The following LDLRAD4 variants were observed in gnomAD, a reference collection of about 807,000 sequenced individuals.
LDLRAD4 encodes low density lipoprotein receptor class A domain containing 4.
In LDLRAD4, 5 loss-of-function variants were observed where a neutral mutation model predicts 17.0. The ratio of observed to expected loss-of-function variants is 0.29; its 90% CI spans 0.15 to 0.62. LDLRAD4 has a LOEUF of 0.62. LDLRAD4 is among the 20% of genes least tolerant of loss of function. The pLI, the probability that LDLRAD4 is intolerant of heterozygous loss-of-function variation, is 0.84. For synonymous variants in LDLRAD4, 168 were observed against 171.8 expected (o/e 0.98, Z 0.17); for missense variants, 340 against 424.7 (o/e 0.80, Z 1.75).
chr18:13,552,475 C>T (rs1173677102), intron 3 of LDLRAD4, among the ~76,000 whole-genome samples: 1 of 152,216 alleles, frequency 6.6e-6, no homozygotes, highest in Non-Finnish European at 1.5e-5. Context: ...TTGAAAATGC[C>T]TTTAAGGTTC....
chr18:13,593,569 CCG>C (rs2095054992), intron 3 of LDLRAD4, among the ~76,000 whole-genome samples: 3 of 138,210 alleles, frequency 2.2e-5, no homozygotes, highest in African/African-American at 9.4e-5. Context: ...ATCTGTCTGT[CCG>C]TCCGTCCGTC....
chr18:13,455,296 G>A (rs1036975040), intron 3 of LDLRAD4, among the ~76,000 whole-genome samples: 1 of 152,210 alleles, frequency 6.6e-6, no homozygotes, highest in African/African-American at 2.4e-5. Context: ...AAGATAGGCA[G>A]CGAAAACTGC....
chr18:13,401,714 G>C (rs1240176293), intron 2 of LDLRAD4, among the ~76,000 whole-genome samples: 1 of 152,194 alleles, frequency 6.6e-6, no homozygotes, highest in African/African-American at 2.4e-5. Flanking sequence ...GCCATTTGGG[G>C]TCAGACACGT....
At chr18:13,512,918 A>G (rs2093804836) in intron 3 of LDLRAD4, among the ~76,000 whole-genome samples, 1 of 152,134 alleles carries the variant, frequency 6.6e-6, no homozygotes. Context: ...TTTATACGTT[A>G]CCCTATCCTG....
At chr18:13,523,287 TGG>T (rs1286839795) in intron 3 of LDLRAD4, among the ~76,000 whole-genome samples, 4 of 152,152 alleles carry the variant, frequency 2.6e-5, no homozygotes, top group African/African-American at 9.7e-5. Flanking sequence ...TTGTCCTGGG[TGG>T]GCCTGGTCTA....
At chr18:13,292,530 A>G (rs895650473) in intron 1 of LDLRAD4, among the ~76,000 whole-genome samples, 2 of 152,218 alleles carry the variant, frequency 1.3e-5, no homozygotes, top group African/African-American at 4.8e-5. Flanking sequence ...GTTTTGAGAA[A>G]GGAGAGAGGA....
At chr18:13,403,397 A>G (rs983212300) in intron 2 of LDLRAD4, among the ~76,000 whole-genome samples, 1 of 152,204 alleles carries the variant, frequency 6.6e-6, no homozygotes, top group Non-Finnish European at 1.5e-5. Context: ...ATAGACTGAC[A>G]CTAGGACCCA....
Position 13,398,750 on chromosome 18 carries a change from G to T in LDLRAD4, c.40+10988G>T, listed in dbSNP as rs1335286757. ...GTGTCCTCACAGCCTCTGACCACCA[G>T]CCTGGACGTGGGGATACGTCTCTGC... On this transcript the variant is annotated intron_variant, in intron 2 of 5. Transcript: ENST00000359446. This position sits in a 1 kb window ranked among gnomAD's most constrained non-coding sequence, Gnocchi z 4.8. Among the ~76,000 whole-genome samples the T allele has an allele frequency of 6.6e-6, 1 of 152,080 alleles. No individual in the cohort carries two copies. The highest frequency in any genetic ancestry group is 1.5e-5 in the Non-Finnish European group (1 of 68,030).
chr18:13,641,814 G>C (rs945278861), intron 4 of LDLRAD4: 37 of 985,678 alleles, frequency 3.8e-5, no homozygotes, highest in Middle Eastern at 5.2e-4. Context: ...CACTTGGCCG[G>C]GTTTGCTGGT....
At chr18:13,316,529 C>T (rs145439226) in intron 1 of LDLRAD4, among the ~76,000 whole-genome samples, 4 of 152,290 alleles carry the variant, frequency 2.6e-5, no homozygotes, top group African/African-American at 7.2e-5. Context: ...TGCAGAGCCA[C>T]GTAAACAGCA....
chr18:13,453,941 G>A (rs942575013), intron 3 of LDLRAD4, among the ~76,000 whole-genome samples: 2 of 152,254 alleles, frequency 1.3e-5, no homozygotes, highest in Non-Finnish European at 2.9e-5. Flanking sequence ...AACAGGCTGC[G>A]GGAGCTAATG....
intron 1 of LDLRAD4, among the ~76,000 whole-genome samples, chr18:13,311,354 AAG>A (rs1371702030): frequency 6.6e-6 from 1 of 152,212 alleles, no homozygotes; most frequent in African/African-American, 2.4e-5. Flanking sequence ...CCTCATGTGA[AAG>A]AGTCTTTGTG....
At chr18:13,427,754 C>T (rs1468813311) in intron 2 of LDLRAD4, among the ~76,000 whole-genome samples, 3 of 152,190 alleles carry the variant, frequency 2.0e-5, no homozygotes, top group African/African-American at 7.2e-5. Flanking sequence ...CTAAAAAAAC[C>T]ATGTGGCCAG....
chr18:13,608,314 G>T (rs9954309), intron 3 of LDLRAD4, among the ~76,000 whole-genome samples: 2 of 151,962 alleles, frequency 1.3e-5, no homozygotes, highest in Non-Finnish European at 2.9e-5. Context: ...TGAAGCACCC[G>T]CGGTGGGGCA....
chr18:13,298,489 G>A (rs1369576716), intron 1 of LDLRAD4, among the ~76,000 whole-genome samples: 1 of 150,830 alleles, frequency 6.6e-6, no homozygotes, highest in Admixed American at 6.6e-5. Context: ...GCTGCTCCGG[G>A]CACGGTGATG....
At chr18:13,513,285 A>G (rs2093811324) in intron 3 of LDLRAD4, among the ~76,000 whole-genome samples, 1 of 152,240 alleles carries the variant, frequency 6.6e-6, no homozygotes, top group African/African-American at 2.4e-5. Context: ...CAGACAGCCT[A>G]GTAACGGTTT....
At chr18:13,505,343 C>T (rs924037360) in intron 3 of LDLRAD4, among the ~76,000 whole-genome samples, 4 of 152,160 alleles carry the variant, frequency 2.6e-5, no homozygotes, top group Admixed American at 1.3e-4. Flanking sequence ...ATAAAAATGG[C>T]CCTGTGAATT....
chr18:13,619,173 G>T (rs532635447), intron 3 of LDLRAD4, among the ~76,000 whole-genome samples: 1 of 152,274 alleles, frequency 6.6e-6, no homozygotes, highest in East Asian at 1.9e-4. Context: ...GTCAAGAGGG[G>T]CAAAGTAGGG....
chr18:13,343,345 G>A (rs930060484), intron 1 of LDLRAD4, among the ~76,000 whole-genome samples: 1 of 149,424 alleles, frequency 6.7e-6, no homozygotes, highest in African/African-American at 2.5e-5. Context: ...TGGTTTTTTG[G>A]CCTTGCAATA....
Sources: gnomAD v4.1 joint callset for allele counts (sites outside exome capture counted in the v4.1 genomes callset) on GRCh38, gnomAD v4.1.1 for gene constraint, Gnocchi (gnomAD v3.1) non-coding constraint, MANE v1.5 for transcripts, NCBI Gene and HGNC (gene_info 2026-07-23, HGNC 2026-07-21) for gene names.